The following PVT1 variants were observed in gnomAD, a reference collection of about 807,000 sequenced individuals.
The protein encoded by PVT1 is Pvt1 oncogene.
At chr8:127,994,420 G>A (rs184450351) in intron 4 of PVT1, among the ~76,000 whole-genome samples, 4 of 152,268 alleles carry the variant, frequency 2.6e-5, no homozygotes, top group East Asian at 1.9e-4. Flanking sequence ...CCACTTTCCT[G>A]TTATGAGTCA....
intron 4 of PVT1, among the ~76,000 whole-genome samples, chr8:127,997,391 C>A (rs1398710197): frequency 6.6e-6 from 1 of 152,096 alleles, no homozygotes; most frequent in Non-Finnish European, 1.5e-5. Context: ...AAAGCAGGGG[C>A]CTGGATGGCC....
intron 4 of PVT1, among the ~76,000 whole-genome samples, chr8:128,041,358 ATGTGT>A (rs1563673210): frequency 1.5e-5 from 2 of 134,678 alleles, no homozygotes; most frequent in South Asian, 2.4e-4. Flanking sequence ...TGTTGTGCTC[ATGTGT>A]TGTTTGTGTT....
intron 3 of PVT1, among the ~76,000 whole-genome samples, chr8:127,916,162 G>C (rs1225558605): frequency 6.6e-6 from 1 of 152,236 alleles, no homozygotes; most frequent in African/African-American, 2.4e-5. Flanking sequence ...TGCAGTGGGA[G>C]AGCATGAGAA....
intron 3 of PVT1, chr8:127,939,471 T>C (rs1230277337): frequency 6.6e-6 from 1 of 152,278 alleles, no homozygotes; most frequent in Non-Finnish European, 1.5e-5. Flanking sequence ...TGCTTTTGAC[T>C]GCAGGGCACT....
intron 2 of PVT1, chr8:127,854,927 A>G (rs935341031): frequency 5.4e-6 from 2 of 372,626 alleles, no homozygotes; most frequent in Non-Finnish European, 9.5e-6. Flanking sequence ...GTCCTGACCC[A>G]AAGATGCTGA....
At chr8:128,006,777 G>A (rs1478033313) in intron 4 of PVT1, among the ~76,000 whole-genome samples, 2 of 152,052 alleles carry the variant, frequency 1.3e-5, no homozygotes, top group African/African-American at 2.4e-5. Flanking sequence ...CATTATATTG[G>A]TTATAACCCA....
At chr8:128,093,214 A>AGTT in intron 5 of PVT1, among the ~76,000 whole-genome samples, 1 of 152,142 alleles carries the variant, frequency 6.6e-6, no homozygotes, top group African/African-American at 2.4e-5. Context: ...CTGTTTTCTC[A>AGTT]TCAGTAAAAT....
intron 2 of PVT1, among the ~76,000 whole-genome samples, chr8:127,867,510 G>A (rs978476185): frequency 6.6e-6 from 1 of 152,198 alleles, no homozygotes; most frequent in Non-Finnish European, 1.5e-5. Context: ...AGGATGCTCC[G>A]CTGGGGAGGG....
intron 3 of PVT1, among the ~76,000 whole-genome samples, chr8:127,943,078 G>A (rs569695242): frequency 6.6e-6 from 1 of 152,214 alleles, no homozygotes; most frequent in South Asian, 2.1e-4. Context: ...CTGTTGTAGG[G>A]GGCCTGGAAA....
chr8:127,903,288 T>G (rs540196314), intron 3 of PVT1, among the ~76,000 whole-genome samples: 2 of 152,364 alleles, frequency 1.3e-5, no homozygotes, highest in East Asian at 3.9e-4. Flanking sequence ...ATTATTTGCT[T>G]CTTTGCTTTT....
intron 4 of PVT1, among the ~76,000 whole-genome samples, chr8:128,025,960 TTTTTC>T (rs750932685): frequency 2.8e-4 from 43 of 152,112 alleles, no homozygotes; most frequent in Non-Finnish European, 2.5e-4. Context: ...CCTTTTTTTT[TTTTTC>T]TTTTGAGACA....
chr8:127,975,030 C>T (rs555000305), intron 3 of PVT1, among the ~76,000 whole-genome samples: 4 of 152,120 alleles, frequency 2.6e-5, no homozygotes, highest in Non-Finnish European at 5.9e-5. Flanking sequence ...TATAATGCTT[C>T]ATCAAGTGGA....
intron 2 of PVT1, among the ~76,000 whole-genome samples, chr8:127,821,490 A>T (rs1814728258): frequency 6.6e-6 from 1 of 152,232 alleles, no homozygotes; most frequent in Non-Finnish European, 1.5e-5. Flanking sequence ...GTTTCTGCTT[A>T]GTATTTTTTA....
chr8:127,883,162 A>G (rs538309288), intron 2 of PVT1, among the ~76,000 whole-genome samples: 2 of 149,778 alleles, frequency 1.3e-5, no homozygotes, highest in Admixed American at 6.7e-5. Flanking sequence ...ACTGGGAGAC[A>G]CTTATTATGG....
Position 127,946,681 on chromosome 8 carries a change from G to A in PVT1, n.783-42481G>A, listed in dbSNP as rs75017667. ...CCCATTTGATCTACAAGGAAACTGA[G>A]TACAAAGTGATAGCTTTTCTGCAGA... is the stretch of plus-strand genomic sequence containing the variant. On this transcript the variant is annotated intron_variant and non_coding_transcript_variant, in intron 3 of 10. Transcript: ENST00000651587. 692 of 154,462 alleles carry A rather than the reference G, an allele frequency of 4.5e-3. 4 individuals are homozygous for A. Among genetic ancestry groups the A allele is most frequent in the African/African-American group, 0.016 (663 of 41,644 alleles). 9.6% of individuals were successfully genotyped at this position (154,462 alleles called of 1,614,324 possible).
chr8:127,901,448 GGT>G (rs1367074643), intron 3 of PVT1, among the ~76,000 whole-genome samples: 4 of 152,142 alleles, frequency 2.6e-5, no homozygotes, highest in Admixed American at 2.6e-4. Flanking sequence ...AGATGCCCTC[GGT>G]GGCCCAGAAG....
At position 127,947,548 on chromosome 8, in the gene PVT1, C is replaced by G; in HGVS notation, n.783-41614C>G. 3 of 364,072 alleles carry G rather than the reference C, an allele frequency of 8.2e-6. No individual in the cohort carries two copies. The East Asian group carries it at 2.2e-4, about 27-fold the overall frequency. The allele number at this position is 364,072 out of a possible 1,614,324, so 22.6% of individuals were successfully genotyped here. ...TTTACAAGGTGGGCCTCAGGTTTCT[C>G]CCCTCCCAGGTGGGCATAGGAATCA... On this transcript the variant is annotated intron_variant and non_coding_transcript_variant, in intron 3 of 10. Coordinates refer to ENST00000651587, the Ensembl canonical transcript of PVT1.
rs528744052 is a variant in PVT1 at position 127,907,365 on chromosome 8, TGGACAGCCC to T, written n.782+16370_782+16378del. Among the ~76,000 whole-genome samples the T allele has an allele frequency of 1.8e-3, 272 of 152,294 alleles. 1 individual carries two copies. Among genetic ancestry groups the T allele is most frequent in the African/African-American group, 6.2e-3 (258 of 41,556 alleles). On this transcript the variant is annotated intron_variant and non_coding_transcript_variant, in intron 3 of 10. Transcript: ENST00000651587. Reference sequence around the variant, plus strand: ...TAAATGACAGGGCTCTGGTCCCAGATGGACAGCCCGGGCCCTTTGAAGACACTCTGGCCT... The same window carrying T: ...TAAATGACAGGGCTCTGGTCCCAGATGGGCCCTTTGAAGACACTCTGGCCT...
chr8:127,998,876 T>TC (rs1491409768), intron 4 of PVT1, among the ~76,000 whole-genome samples: 8,421 of 145,030 alleles, frequency 0.058, 966 homozygotes, highest in African/African-American at 0.21. Flanking sequence ...TCTCTCTCTC[T>TC]TTTTTTGGTG....
Sources: gnomAD v4.1 joint callset for allele counts (sites outside exome capture counted in the v4.1 genomes callset) on GRCh38, gnomAD v4.1.1 for gene constraint, MANE v1.5 for transcripts, NCBI Gene and HGNC (gene_info 2026-07-23, HGNC 2026-07-21) for gene names.